The following SPMAP2L variants were observed in gnomAD, a reference collection of about 807,000 sequenced individuals.
The protein encoded by SPMAP2L is sperm microtubule associated protein 2-like.
the SPMAP2L span, among the ~76,000 whole-genome samples, chr4:56,578,911 C>T: frequency 1.3e-5 from 2 of 150,978 alleles, no homozygotes; most frequent in African/African-American, 4.9e-5. Flanking sequence ...GACCTCATCT[C>T]TACAAGAAAA....
the SPMAP2L span, among the ~76,000 whole-genome samples, chr4:56,549,277 G>A: frequency 0.017 from 2,661 of 152,160 alleles, 82 homozygotes; most frequent in African/African-American, 0.06. Context: ...GTGAGCCATC[G>A]TGCCTAGCTG....
At chr4:56,581,200 A>G in the SPMAP2L span, among the ~76,000 whole-genome samples, 50 of 152,188 alleles carry the variant, frequency 3.3e-4, no homozygotes, top group African/African-American at 1.2e-3. Context: ...TACAACTATA[A>G]TCACAGCACT....
chr4:56,542,591 C>T, the SPMAP2L span, among the ~76,000 whole-genome samples: 84 of 152,120 alleles, frequency 5.5e-4, no homozygotes, highest in African/African-American at 1.8e-3. Context: ...CTTTTAGAAA[C>T]ACCATTTATT....
the SPMAP2L span, among the ~76,000 whole-genome samples, chr4:56,535,784 A>G: frequency 6.6e-6 from 1 of 152,026 alleles, no homozygotes; most frequent in South Asian, 2.1e-4. Context: ...AACATAAATT[A>G]TATGCAGTTC....
the SPMAP2L span, among the ~76,000 whole-genome samples, chr4:56,624,330 G>A: frequency 6.6e-6 from 1 of 152,078 alleles, no homozygotes; most frequent in East Asian, 1.9e-4. Context: ...AGAACATGAG[G>A]GTTTCAAAAA....
the SPMAP2L span, among the ~76,000 whole-genome samples, chr4:56,579,019 A>C: frequency 6.6e-6 from 1 of 152,124 alleles, no homozygotes; most frequent in Non-Finnish European, 1.5e-5. Flanking sequence ...ATAGTTGGAC[A>C]CTTCAATACC....
At chr4:56,624,146 G>C in the SPMAP2L span, among the ~76,000 whole-genome samples, 4 of 152,312 alleles carry the variant, frequency 2.6e-5, no homozygotes, top group African/African-American at 9.6e-5. Context: ...GGCGACTCTT[G>C]TTATGTTTTA....
At chr4:56,593,063 A>T in the SPMAP2L span, 1 of 1,585,618 alleles carries the variant, frequency 6.3e-7, no homozygotes. Flanking sequence ...CTATATTGGC[A>T]TGGGCTATTG....
chr4:56,567,520 C>T, the SPMAP2L span, among the ~76,000 whole-genome samples: 2 of 147,542 alleles, frequency 1.4e-5, no homozygotes, highest in African/African-American at 5.0e-5. Context: ...CAACTCCTGA[C>T]CTCAAGTGAT....
At chr4:56,574,105 T>C in the SPMAP2L span, among the ~76,000 whole-genome samples, 1 of 152,146 alleles carries the variant, frequency 6.6e-6, no homozygotes, top group African/African-American at 2.4e-5. Flanking sequence ...TAAGGAAAGA[T>C]TGAAGGGCAG....
chr4:56,599,710 A>G, the SPMAP2L span, among the ~76,000 whole-genome samples: 4,985 of 152,268 alleles, frequency 0.033, 251 homozygotes, highest in African/African-American at 0.11. Flanking sequence ...AGCTCCATCC[A>G]TATCCTTGCA....
chr4:56,573,743 G>A, the SPMAP2L span, among the ~76,000 whole-genome samples: 17,361 of 152,174 alleles, frequency 0.11, 1,107 homozygotes, highest in East Asian at 0.21. Flanking sequence ...AGGTGAGTCA[G>A]TGCAGTTGGG....
At chr4:56,583,702 A>T in the SPMAP2L span, among the ~76,000 whole-genome samples, 1 of 152,208 alleles carries the variant, frequency 6.6e-6, no homozygotes, top group Admixed American at 6.5e-5. Flanking sequence ...GAGACTGGCC[A>T]TTGCAGAGGG....
the SPMAP2L span, chr4:56,594,916 C>G: frequency 6.2e-7 from 1 of 1,611,778 alleles, no homozygotes; most frequent in Non-Finnish European, 8.5e-7. Context: ...TAAATCTTCA[C>G]AAGACCTTCT....
chr4:56,550,414 A>T, the SPMAP2L span, among the ~76,000 whole-genome samples: 1 of 152,216 alleles, frequency 6.6e-6, no homozygotes, highest in South Asian at 2.1e-4. Flanking sequence ...TGAAAAGTAG[A>T]TAGGACAGAT....
At chr4:56,588,989 A>AT in the SPMAP2L span, among the ~76,000 whole-genome samples, 115 of 149,760 alleles carry the variant, frequency 7.7e-4, no homozygotes, top group Non-Finnish European at 1.1e-3. Context: ...CTCTGTGCCT[A>AT]TTTTTTTTTC....
At chr4:56,593,300 G>C in the SPMAP2L span, 5 of 1,181,924 alleles carry the variant, frequency 4.2e-6, no homozygotes, top group Admixed American at 5.0e-5. Context: ...AGACACAAGA[G>C]GAGGAAATTT....
At chr4:56,584,777 C>T in the SPMAP2L span, among the ~76,000 whole-genome samples, 1 of 152,154 alleles carries the variant, frequency 6.6e-6, no homozygotes. Flanking sequence ...AGGATTGGAT[C>T]AGAGAAGCAG....
At chr4:56,563,958 A>G in the SPMAP2L span, among the ~76,000 whole-genome samples, 20 of 152,136 alleles carry the variant, frequency 1.3e-4, no homozygotes, top group African/African-American at 4.8e-4. Context: ...TATTTAGTGG[A>G]ATTCTCCAAT....
Sources: gnomAD v4.1 joint callset for allele counts (sites outside exome capture counted in the v4.1 genomes callset) on GRCh38, gnomAD v4.1.1 for gene constraint, MANE v1.5 for transcripts, NCBI Gene and HGNC (gene_info 2026-07-23, HGNC 2026-07-21) for gene names.